The following GCC2 variants were observed in gnomAD, a reference collection of about 807,000 sequenced individuals.
The protein encoded by GCC2 is GRIP and coiled-coil domain containing 2.
GCC2 carries 120 observed loss-of-function variants against 210.6 expected under a neutral mutation model. That is an observed-to-expected ratio of 0.57 (90% CI 0.49 to 0.66). The LOEUF (loss-of-function observed/expected upper bound fraction) is 0.66, where lower values mean the gene tolerates loss of function less well. Among genes scored for constraint, GCC2 ranks in the 30% least tolerant of loss-of-function variants. The pLI, the probability that GCC2 is intolerant of heterozygous loss-of-function variation, is 0.00. For synonymous variants in GCC2, 703 were observed against 652.7 expected (o/e 1.08, Z -1.17); for missense variants, 1,868 against 1,871.9 (o/e 1.00, Z 0.04).
intron 9 of GCC2, 58 bp from the exon 10 acceptor site, chr2:108,481,639 A>G (rs1681855698): frequency 7.5e-7 from 1 of 1,339,008 alleles, no homozygotes. Flanking sequence ...TTGATGATGA[A>G]GTCTGACCTG....
At position 108,492,692 on chromosome 2, in the gene GCC2, T is replaced by C. The variant is rs755615332; in HGVS notation, c.4349T>C (p.Leu1450Ser). The C allele has an allele frequency of 1.5e-5, 25 of 1,614,036 alleles. No individual in the cohort carries two copies. The South Asian group carries it at 2.7e-4, about 18-fold the overall frequency. Reference protein sequence around the residue: ...RNSFRDQVRHLQEEHRKTVET... With the variant: ...RNSFRDQVRHSQEEHRKTVET... ...AGCTTCCGAGATCAAGTGCGACATTTGCAGGAAGAACACAGAAAGACAGTG... is the reference window on the plus strand; with the variant it reads ...AGCTTCCGAGATCAAGTGCGACATTCGCAGGAAGAACACAGAAAGACAGTG... Residue 1450 changes from leucine (L) to serine (S), a missense_variant, in exon 19 of 23, where the codon TTG becomes TCG. By Grantham distance (145) the Leu-to-Ser change is moderately radical. Transcript: ENST00000309863.
In GCC2 at chr2:108,509,166, G is replaced by A. The variant is rs554558878; in HGVS notation, c.*1536G>A. ...GAATATGAGTATGCCAGCTGCATACGATGTAACTAATCATATTTAAATATA... is the reference window on the plus strand; with the variant it reads ...GAATATGAGTATGCCAGCTGCATACAATGTAACTAATCATATTTAAATATA... On this transcript the variant is annotated 3_prime_UTR_variant, in exon 23 of 23. Transcript: ENST00000309863. 2.2e-4 allele frequency: 33 copies of A among 152,664 alleles called. No individual in the cohort carries two copies. Among genetic ancestry groups the A allele is most frequent in the African/African-American group, 6.7e-4 (28 of 41,554 alleles). 9.5% of individuals were successfully genotyped at this position (152,664 alleles called of 1,614,324 possible). A position where few individuals can be genotyped will look rare whatever the true frequency, so the allele number is the denominator to read the frequency against.
In GCC2 at chr2:108,470,204, A is replaced by G; in HGVS notation, c.875A>G (p.Gln292Arg). The change falls in exon 6 of 23, where the codon CAG becomes CGG. Residue 292 changes from glutamine to arginine, a missense_variant. Around this residue, in one of 3 missense-constraint regions of GCC2, gnomAD observed 1,847 missense variants for 1,765.2 expected, o/e 1.05. Coordinates refer to ENST00000309863, the MANE Select transcript of GCC2 (RefSeq NM_181453.4). ...KQCEASEKNI[Q>R]KKYECELENL... ...TGTGAGGCAAGTGAAAAGAACATCCAGAAGAAATATGAATGTGAGTTAGAA... is the reference window on the plus strand; with the variant it reads ...TGTGAGGCAAGTGAAAAGAACATCCGGAAGAAATATGAATGTGAGTTAGAA... 5.0e-6 allele frequency: 8 copies of G among 1,613,414 alleles called. No homozygotes were observed. Among genetic ancestry groups the G allele is most frequent in the Non-Finnish European group, 6.8e-6 (8 of 1,179,744 alleles).
chr2:108,475,513 T>C (rs919567167), intron 7 of GCC2, 22 bp from the exon 8 acceptor site: 1 of 1,131,870 alleles, frequency 8.8e-7, no homozygotes, highest in East Asian at 2.4e-5. Flanking sequence ...TCGTATGTAA[T>C]CCATTTATTT....
At chr2:108,486,417 T>C in intron 15 of GCC2, 94 bp from the exon 16 acceptor site, 1 of 1,177,788 alleles carries the variant, frequency 8.5e-7, no homozygotes, top group Non-Finnish European at 1.3e-6. Context: ...TATATGTACT[T>C]ATGTCTCAAA....
At chr2:108,463,043 G>C (rs1680692183) in intron 4 of GCC2, among the ~76,000 whole-genome samples, 1 of 151,414 alleles carries the variant, frequency 6.6e-6, no homozygotes. Flanking sequence ...ATTTCTATGT[G>C]GTTCTTTTTT....
At chr2:108,484,349 TCATCATAACAACTTGATTTGGTGGGGGG>T in intron 13 of GCC2, 38 bp downstream of exon 13, 2 of 1,194,888 alleles carry the variant, frequency 1.7e-6, no homozygotes, top group Non-Finnish European at 2.3e-6. Flanking sequence ...TTTAATTATT[TCATCATAACAACTTGATTTGGTGGGGGG>T]CATTACTTGT....
intron 13 of GCC2, 200 bp downstream of exon 13, chr2:108,484,511 A>G (rs1295071501): frequency 9.0e-6 from 3 of 333,310 alleles, no homozygotes; most frequent in African/African-American, 6.4e-5. Flanking sequence ...TATGTCCTGA[A>G]TGGTAATGCC....
intron 4 of GCC2, among the ~76,000 whole-genome samples, chr2:108,467,825 G>A (rs1055720062): frequency 5.3e-5 from 8 of 152,072 alleles, no homozygotes; most frequent in South Asian, 2.1e-4. Context: ...TTGTCTAAAC[G>A]AGTTTGTATG....
chr2:108,469,861 G>A lies in GCC2; in HGVS notation c.532G>A (p.Asp178Asn), dbSNP rs1681092808. 1 of 1,611,994 alleles carries A rather than the reference G, an allele frequency of 6.2e-7. No individual in the cohort carries two copies. Residue 178 changes from aspartate (D) to asparagine (N), a missense_variant, in exon 6 of 23, where the codon GAT (aspartate) becomes AAT (asparagine). Asp to Asn is a conservative substitution (Grantham distance 23). Around this residue, in one of 3 missense-constraint regions of GCC2, gnomAD observed 1,847 missense variants for 1,765.2 expected, o/e 1.05. Coordinates refer to ENST00000309863, the MANE Select transcript of GCC2 (RefSeq NM_181453.4). ...ACTTAAATTTCAGAACAACTCTGAA[G>A]ATAATGTTAAAAAACTACAAGAAGA... ...EQLKFQNNSEDNVKKLQEEIE... is the reference protein window; with the variant it reads ...EQLKFQNNSENNVKKLQEEIE...
chr2:108,505,821 TTTGTAATTTGTTACGCAGCAGA>T (rs1683154386), intron 22 of GCC2, among the ~76,000 whole-genome samples: 1 of 152,186 alleles, frequency 6.6e-6, no homozygotes. Context: ...AGGTACTAAC[TTTGTAATTTGTTACGCAGCAGA>T]TTGTAAATAA....
In GCC2 at chr2:108,496,960, C is replaced by T; in HGVS notation, c.4643-10C>T. The stretch of plus-strand genomic sequence containing the variant: ...TTTTGAAAATTAATTCTTGGAACAA[C>T]ATGTTGCAGAGCCTCCATTATGGCA... On this transcript the variant is annotated splice_polypyrimidine_tract_variant and intron_variant, in intron 20 of 22. Transcript: ENST00000309863. The T allele has an allele frequency of 1.9e-6, 3 of 1,611,684 alleles. No individual in the cohort carries two copies. The highest frequency in any genetic ancestry group is 2.5e-6 in the Non-Finnish European group (3 of 1,179,716).
intron 1 of GCC2, 77 bp downstream of exon 1, chr2:108,449,357 G>A (rs1400387490): frequency 1.4e-5 from 21 of 1,518,730 alleles, no homozygotes; most frequent in Non-Finnish European, 1.7e-5. Flanking sequence ...GGCCCGATGG[G>A]AGGGCGCGGT....
At chr2:108,482,673 ATTTAT>A (rs780149324) in intron 11 of GCC2, among the ~76,000 whole-genome samples, 1 of 152,010 alleles carries the variant, frequency 6.6e-6, no homozygotes, top group Admixed American at 6.6e-5. Flanking sequence ...AGCGTGTCAG[ATTTAT>A]TTTATTTTAT....
intron 4 of GCC2, among the ~76,000 whole-genome samples, chr2:108,461,517 G>C (rs907295108): frequency 6.6e-6 from 1 of 151,854 alleles, no homozygotes; most frequent in Non-Finnish European, 1.5e-5. Flanking sequence ...GTTTTGTTTT[G>C]TTTTCGAGGC....
rs369984459 is a variant in GCC2 at position 108,486,587 on chromosome 2, G to A, written c.3869G>A (p.Arg1290His). The A allele has an allele frequency of 3.3e-5, 54 of 1,613,604 alleles. No individual in the cohort carries two copies. The highest frequency in any genetic ancestry group is 9.3e-5 in the African/African-American group (7 of 74,900). ...HLKTSAEQHQ[R>H]TLSAYQQRVT... ...AAAACCTCTGCGGAACAGCACCAGC[G>A]TACGCTAAGTGCATACCAGCAGAGA... The change falls in exon 16 of 23, where the codon CGT becomes CAT. Residue 1290 changes from arginine (R) to histidine (H), a missense_variant. Around this residue, in one of 3 missense-constraint regions of GCC2, gnomAD observed 1,847 missense variants for 1,765.2 expected, o/e 1.05. Transcript: ENST00000309863.
rs1015316852 is a variant in GCC2, at chr2:108,469,631, G to A, written c.322-20G>A. 3 of 1,535,962 alleles carry A rather than the reference G, an allele frequency of 2.0e-6. No individual in the cohort carries two copies. The highest frequency in any genetic ancestry group is 1.4e-5 in the African/African-American group (1 of 71,858). ...TTTGTCTTACTTAAATAATTTATGT[G>A]TGCTTATTTTTTGTAATAGGATTCT... On this transcript the variant is annotated intron_variant, in intron 5 of 22. Coordinates refer to ENST00000309863, the MANE Select transcript of GCC2 (RefSeq NM_181453.4).
chr2:108,472,802 T>G (rs1202503026), intron 6 of GCC2, 25 bp from the exon 7 acceptor site: 14 of 1,344,128 alleles, frequency 1.0e-5, no homozygotes, highest in African/African-American at 1.5e-5. Context: ...TTGTTTTGTG[T>G]TTTTTTTTCC....
In GCC2 at chr2:108,502,044, A is replaced by C. The variant is rs566414105; in HGVS notation, c.4984+2290A>C. On this transcript the variant is annotated intron_variant, in intron 22 of 22. Transcript: ENST00000309863. ...TCAAATTACAAATTCACTGTCTTTAATTTATTCTAACAAAAGTAAACCTAA... is the reference window on the plus strand; with the variant it reads ...TCAAATTACAAATTCACTGTCTTTACTTTATTCTAACAAAAGTAAACCTAA... Among the ~76,000 whole-genome samples, 21 of 152,266 alleles carry C rather than the reference A, an allele frequency of 1.4e-4. 1 individual carries two copies. The South Asian group carries it at 4.1e-3, about 30-fold the overall frequency.
Sources: gnomAD v4.1 joint callset for allele counts (sites outside exome capture counted in the v4.1 genomes callset) on GRCh38, gnomAD v4.1.1 for gene constraint, gnomAD v4.1.1 regional missense constraint, MANE v1.5 for transcripts, NCBI Gene and HGNC (gene_info 2026-07-23, HGNC 2026-07-21) for gene names.